Variants in AFF3 observed in about 807,000 individuals in gnomAD.
AFF3 encodes the protein AF4/FMR2 family member 3.
AFF3 carries 32 observed loss-of-function variants against 129.7 expected under a neutral mutation model. The observed-to-expected ratio is 0.25, with a 90% CI of 0.19 to 0.33. AFF3 has a LOEUF of 0.33. Among genes scored for constraint, AFF3 ranks in the 10% least tolerant of loss-of-function variants. The pLI is 1.00. For missense variants in AFF3, 1,373 were observed against 1,592.0 expected (o/e 0.86, Z 2.34); for synonymous variants, 644 against 635.4 (o/e 1.01, Z -0.20).
chr2:99,779,171 T>C (rs1220736041), intron 8 of AFF3, among the ~76,000 whole-genome samples: 3 of 152,188 alleles, frequency 2.0e-5, no homozygotes, highest in Non-Finnish European at 2.9e-5. Context: ...GGGTTTTCCA[T>C]GGGTATCTGT....
intron 4 of AFF3, among the ~76,000 whole-genome samples, chr2:100,030,345 C>T (rs1684392849): frequency 6.6e-6 from 1 of 152,124 alleles, no homozygotes; most frequent in Non-Finnish European, 1.5e-5. Context: ...TACCGCTACA[C>T]ACCTATTGTG....
chr2:100,016,865 C>A (rs188324901), intron 4 of AFF3, among the ~76,000 whole-genome samples: 7 of 124,426 alleles, frequency 5.6e-5, no homozygotes, highest in African/African-American at 2.2e-4. Flanking sequence ...AGGTGGTGAT[C>A]GTGCTGGTGG....
chr2:99,792,940 T>G (rs1389189285), intron 8 of AFF3, among the ~76,000 whole-genome samples: 1 of 152,214 alleles, frequency 6.6e-6, no homozygotes, highest in Non-Finnish European at 1.5e-5. Flanking sequence ...CTGAGTAATT[T>G]TGTACATGGT....
intron 7 of AFF3, among the ~76,000 whole-genome samples, chr2:99,924,909 T>G (rs1406789960): frequency 6.6e-6 from 1 of 151,580 alleles, no homozygotes; most frequent in Non-Finnish European, 1.5e-5. Flanking sequence ...AGGGTCTCAC[T>G]CTGTCACCCA....
At chr2:99,682,926 A>G (rs1426455957) in intron 11 of AFF3, among the ~76,000 whole-genome samples, 1 of 152,224 alleles carries the variant, frequency 6.6e-6, no homozygotes, top group Non-Finnish European at 1.5e-5. Flanking sequence ...TGCCTGCTGG[A>G]GACATCTGAG....
At chr2:99,551,651 G>A (rs1461178091) in intron 24 of AFF3, 56 bp from the exon 25 acceptor site, 6 of 1,605,080 alleles carry the variant, frequency 3.7e-6, no homozygotes, top group Non-Finnish European at 4.3e-6. Flanking sequence ...GTGCTATCCT[G>A]AGCAACTGAT....
intron 7 of AFF3, among the ~76,000 whole-genome samples, chr2:99,842,044 G>T (rs767015036): frequency 6.6e-6 from 1 of 152,114 alleles, no homozygotes; most frequent in Admixed American, 6.5e-5. Flanking sequence ...AGAGAGGAGA[G>T]GGGAAGTAGA....
chr2:99,550,245 A>G lies in AFF3; in HGVS notation c.*1229T>C, dbSNP rs188658363. 8.7e-5 allele frequency: 20 copies of G among 230,978 alleles called. No individual in the cohort carries two copies. The highest frequency in any genetic ancestry group is 4.2e-4 in the African/African-American group (19 of 45,382). The allele number at this position is 230,978 out of a possible 1,614,324, so 14.3% of individuals were successfully genotyped here. ...CAAGGTGTAAACATACCAGACACACAGGACACAGGAAGAGGCTCTGGTTGC... is the reference window on the plus strand; with the variant it reads ...CAAGGTGTAAACATACCAGACACACGGGACACAGGAAGAGGCTCTGGTTGC... On this transcript the variant is annotated 3_prime_UTR_variant, in exon 25 of 25. Coordinates refer to ENST00000672756, the MANE Select transcript of AFF3 (RefSeq NM_001386135.1).
Position 99,741,610 on chromosome 2 carries a change from G to T in AFF3, c.1039+2494C>A, listed in dbSNP as rs199756094. ...GAAGAACATTCCATGCTCATGGGTAGGAAGAATCAATATCATGAAAATGGC... is the reference window on the plus strand; with the variant it reads ...GAAGAACATTCCATGCTCATGGGTATGAAGAATCAATATCATGAAAATGGC... On this transcript the variant is annotated intron_variant, in intron 10 of 24. Coordinates refer to ENST00000672756, the MANE Select transcript of AFF3 (RefSeq NM_001386135.1). Among the ~76,000 whole-genome samples, 81 of 152,252 alleles carry T rather than the reference G, an allele frequency of 5.3e-4. 2 individuals carry two copies. In the East Asian group the frequency reaches 0.01, roughly 19 times the overall value.
intron 8 of AFF3, among the ~76,000 whole-genome samples, chr2:99,776,634 G>A (rs1683925149): frequency 6.6e-6 from 1 of 152,212 alleles, no homozygotes; most frequent in Non-Finnish European, 1.5e-5. Flanking sequence ...TAATTACAAT[G>A]GAGAGGGAAC....
At chr2:99,909,148 T>C (rs930693409) in intron 7 of AFF3, among the ~76,000 whole-genome samples, 4 of 151,984 alleles carry the variant, frequency 2.6e-5, no homozygotes, top group African/African-American at 4.8e-5. Context: ...CATGAAATAG[T>C]ATGCAGCCAT....
At chr2:99,829,665 C>T (rs1023402424) in intron 8 of AFF3, among the ~76,000 whole-genome samples, 1 of 152,186 alleles carries the variant, frequency 6.6e-6, no homozygotes, top group Non-Finnish European at 1.5e-5. Context: ...AAGAGGAATG[C>T]TTTTACACTG....
intron 7 of AFF3, among the ~76,000 whole-genome samples, chr2:99,991,243 G>A (rs1297565080): frequency 1.3e-5 from 2 of 152,184 alleles, no homozygotes; most frequent in Non-Finnish European, 2.9e-5. Flanking sequence ...CCTGGCTCTA[G>A]GGAGACAGAA....
chr2:99,558,377 C>CT (rs1675145411), intron 22 of AFF3, among the ~76,000 whole-genome samples: 1 of 152,080 alleles, frequency 6.6e-6, no homozygotes, highest in African/African-American at 2.4e-5. Flanking sequence ...TCCTAGCACT[C>CT]TGGGAGGTGG....
At chr2:99,637,965 T>C (rs1683821903) in intron 13 of AFF3, among the ~76,000 whole-genome samples, 1 of 152,158 alleles carries the variant, frequency 6.6e-6, no homozygotes, top group African/African-American at 2.4e-5. Context: ...GTAAAAATAA[T>C]TTATAGCTTA....
In AFF3 at chr2:99,557,871, A is replaced by G. The variant is rs575706713; in HGVS notation, c.3285+1004T>C. Among the ~76,000 whole-genome samples the G allele has an allele frequency of 3.3e-5, 5 of 152,354 alleles. No homozygotes were observed. In the South Asian group the frequency reaches 1.0e-3, roughly 32 times the overall value. On this transcript the variant is annotated intron_variant, in intron 22 of 24. Transcript: ENST00000672756. ...AACAGATCTCAAATGATGGTTGTGTATCTGACAAAGGGCTGTTGGAGATAG... is the reference window on the plus strand; with the variant it reads ...AACAGATCTCAAATGATGGTTGTGTGTCTGACAAAGGGCTGTTGGAGATAG...
intron 24 of AFF3, among the ~76,000 whole-genome samples, chr2:99,553,406 T>C (rs2104478582): frequency 6.6e-6 from 1 of 152,328 alleles, no homozygotes; most frequent in African/African-American, 2.4e-5. Flanking sequence ...GGAGCTATCA[T>C]GCTCCCATGC....
intron 2 of AFF3, chr2:100,109,736 G>T (rs1691450870): frequency 1.3e-5 from 2 of 152,088 alleles, no homozygotes; most frequent in South Asian, 4.1e-4. Flanking sequence ...ACTCCATTTA[G>T]TCCTCCCAAA....
intron 4 of AFF3, among the ~76,000 whole-genome samples, chr2:100,009,239 G>A (rs545310796): frequency 2.6e-5 from 4 of 152,292 alleles, no homozygotes; most frequent in Admixed American, 1.3e-4. Flanking sequence ...TAAGGCAGAC[G>A]GTAATTACAG....
Sources: gnomAD v4.1 joint callset for allele counts (sites outside exome capture counted in the v4.1 genomes callset) on GRCh38, gnomAD v4.1.1 for gene constraint, MANE v1.5 for transcripts, NCBI Gene and HGNC (gene_info 2026-07-23, HGNC 2026-07-21) for gene names.